NLRC4: variants seen among roughly 807,000 people sequenced by gnomAD.
NLRC4 encodes the protein NLR family CARD domain-containing protein 4.
In NLRC4, 63 loss-of-function variants were observed where a neutral mutation model predicts 79.9. That is an observed-to-expected ratio of 0.79 (90% confidence interval 0.64 to 0.97). NLRC4 has a LOEUF of 0.97. NLRC4 is among the 50% of genes least tolerant of loss of function. The probability of loss-of-function intolerance (pLI) is 0.00; values close to 1 mark genes in which losing one functional copy is unlikely to be tolerated. For missense variants in NLRC4, 1,074 were observed against 1,215.2 expected (o/e 0.88, Z 1.73); for synonymous variants, 461 against 456.5 (o/e 1.01, Z -0.12).
intron 4 of NLRC4, among the ~76,000 whole-genome samples, chr2:32,248,802 C>T (rs903168823): frequency 2.6e-5 from 4 of 152,112 alleles, no homozygotes; most frequent in African/African-American, 7.2e-5. Context: ...TAAACTCTGT[C>T]GTAACTGCCA....
upstream of NLRC4, among the ~76,000 whole-genome samples, chr2:32,265,301 C>G (rs1475691323): frequency 2.6e-5 from 4 of 152,128 alleles, no homozygotes; most frequent in Non-Finnish European, 5.9e-5. Flanking sequence ...CCGCCTCAGT[C>G]CTCCCAGTAG....
intron 8 of NLRC4, among the ~76,000 whole-genome samples, chr2:32,233,349 A>ATATATATATATATATATTT (rs1418146489): frequency 7.3e-5 from 3 of 41,100 alleles, no homozygotes; most frequent in Non-Finnish European, 8.8e-5. Flanking sequence ...ATATATATAT[A>ATATATATATATATATATTT]TTTTTTTTTT....
In NLRC4 at chr2:32,249,662, A is replaced by T. The variant is rs776460333; in HGVS notation, c.2202T>A (p.Ser734=). Reference sequence around the variant, plus strand: ...TACTCAAGGTTTTCAGGTTTGTTACAGATGTGATGTGCCTCTCATCTTCTA... The same window carrying T: ...TACTCAAGGTTTTCAGGTTTGTTACTGATGTGATGTGCCTCTCATCTTCTA... ...LTIEDERHIT[S]VTNLKTLSIH... Residue 734 remains serine (S), a synonymous_variant, in exon 4 of 9, where the codon TCT becomes TCA. Transcript: ENST00000402280. 3 of 1,613,146 alleles carry T rather than the reference A, an allele frequency of 1.9e-6. No individual in the cohort carries two copies. In the East Asian group the frequency reaches 6.7e-5, roughly 36 times the overall value.
At chr2:32,263,699 C>T (rs969427730) in intron 1 of NLRC4, among the ~76,000 whole-genome samples, 3 of 152,176 alleles carry the variant, frequency 2.0e-5, no homozygotes, top group Admixed American at 2.0e-4. Context: ...GAGAAGCCAA[C>T]CCTGCTGACA....
chr2:32,264,079 T>G (rs1229927148), intron 1 of NLRC4, among the ~76,000 whole-genome samples: 1 of 152,176 alleles, frequency 6.6e-6, no homozygotes, highest in Non-Finnish European at 1.5e-5. Flanking sequence ...ATGGACTAAG[T>G]AGTCCACCTC....
In NLRC4 at chr2:32,250,112, T is replaced by A; in HGVS notation, c.1752A>T (p.Leu584Phe). 1 of 1,614,234 alleles carries A rather than the reference T, an allele frequency of 6.2e-7. No individual in the cohort carries two copies. The highest frequency in any genetic ancestry group is 8.5e-7 in the Non-Finnish European group (1 of 1,180,034). ...CGGGGATGTTCCCTGAGTTGATATATAAGCTTTTACCTTGAAAGAAAGCTT... is the reference window on the plus strand; with the variant it reads ...CGGGGATGTTCCCTGAGTTGATATAAAAGCTTTTACCTTGAAAGAAAGCTT... The part of the protein sequence containing the change: ...EFEAFFQGKS[L>F]YINSGNIPDY... Residue 584 changes from leucine to phenylalanine, a missense_variant, in exon 4 of 9, where the codon TTA (leucine) becomes TTT (phenylalanine). Leu to Phe is a conservative substitution (Grantham distance 22, BLOSUM62 0). Transcript: ENST00000402280. The surrounding 1 kb of genome is among the most constrained non-coding windows in gnomAD (Gnocchi z 4.9).
intron 8 of NLRC4, among the ~76,000 whole-genome samples, chr2:32,234,391 CAAAA>C (rs1382894297): frequency 6.6e-6 from 1 of 151,246 alleles, no homozygotes; most frequent in African/African-American, 2.4e-5. Flanking sequence ...AAAAAAAAAA[CAAAA>C]AACAAAGAAC....
At chr2:32,228,457 A>C (rs1490730423) in intron 8 of NLRC4, among the ~76,000 whole-genome samples, 1 of 152,148 alleles carries the variant, frequency 6.6e-6, no homozygotes, top group African/African-American at 2.4e-5. Flanking sequence ...GTCTCCCTCT[A>C]AAATGTGAAG....
intron 1 of NLRC4, among the ~76,000 whole-genome samples, chr2:32,257,826 A>G (rs1246250326): frequency 6.6e-6 from 1 of 151,994 alleles, no homozygotes; most frequent in Admixed American, 6.6e-5. Context: ...GGGATCATAC[A>G]GATGGGCGGG....
Position 32,249,838 on chromosome 2 carries a change from C to T in NLRC4, c.2026G>A (p.Asp676Asn). The T allele has an allele frequency of 6.2e-7, 1 of 1,614,210 alleles. No individual in the cohort carries two copies. Among genetic ancestry groups the T allele is most frequent in the South Asian group, 1.1e-5 (1 of 91,088 alleles). Residue 676 changes from aspartate to asparagine, a missense_variant, in exon 4 of 9, where the codon GAT becomes AAT. Physicochemically the swap from Asp to Asn is conservative, Grantham distance 23. Transcript: ENST00000402280. ...LRDFSKLNKQ[D>N]IRYLGKIFSS... ...AATATTTTCCCCAGATATCTGATAT[C>T]TTGCTTATTCAACTTGCTGAAATCC...
intron 4 of NLRC4, among the ~76,000 whole-genome samples, chr2:32,243,341 C>T (rs778999041): frequency 6.0e-5 from 9 of 150,136 alleles, no homozygotes; most frequent in Non-Finnish European, 8.9e-5. Context: ...ACCCAGGAGG[C>T]AGAGGTTGCA....
At chr2:32,262,980 T>G (rs1291276262) in intron 1 of NLRC4, among the ~76,000 whole-genome samples, 1 of 151,684 alleles carries the variant, frequency 6.6e-6, no homozygotes, top group Non-Finnish European at 1.5e-5. Flanking sequence ...CCTCCCAAAG[T>G]GCTGGGATTA....
At chr2:32,262,749 C>A (rs1471082626) in intron 1 of NLRC4, among the ~76,000 whole-genome samples, 1 of 151,448 alleles carries the variant, frequency 6.6e-6, no homozygotes, top group African/African-American at 2.4e-5. Context: ...GCACTCCAGC[C>A]TGGGTGACAG....
At chr2:32,261,775 T>TA (rs1447314919) in intron 1 of NLRC4, among the ~76,000 whole-genome samples, 2 of 152,100 alleles carry the variant, frequency 1.3e-5, no homozygotes, top group Admixed American at 6.5e-5. Flanking sequence ...ATTAACAATA[T>TA]AAAAAATTGT....
chr2:32,254,731 G>A (rs1335582259), intron 2 of NLRC4, among the ~76,000 whole-genome samples: 1 of 149,012 alleles, frequency 6.7e-6, no homozygotes, highest in African/African-American at 2.5e-5. Context: ...CAATTCCCCT[G>A]CCTCGGCCTC....
chr2:32,231,811 C>T (rs1420686017), intron 8 of NLRC4, among the ~76,000 whole-genome samples: 1 of 152,112 alleles, frequency 6.6e-6, no homozygotes, highest in African/African-American at 2.4e-5. Context: ...CTGCCCACTT[C>T]GGCCTCCCAG....
intron 1 of NLRC4, among the ~76,000 whole-genome samples, chr2:32,259,237 A>T (rs913351409): frequency 1.5e-5 from 2 of 137,122 alleles, no homozygotes; most frequent in Non-Finnish European, 3.1e-5. Context: ...CTGGGACCGC[A>T]GGTGTGTGCC....
intron 8 of NLRC4, among the ~76,000 whole-genome samples, chr2:32,233,182 A>AGGGAGGGAGGGAGGG (rs1686585008): frequency 1.6e-4 from 9 of 56,894 alleles, no homozygotes; most frequent in African/African-American, 7.0e-4. Context: ...GGAAGGAAGG[A>AGGGAGGGAGGGAGGG]AGGAAGGAAG....
chr2:32,255,151 T>C (rs1289866033), intron 2 of NLRC4, among the ~76,000 whole-genome samples: 1 of 151,902 alleles, frequency 6.6e-6, no homozygotes, highest in Non-Finnish European at 1.5e-5. Flanking sequence ...TCATCTGTTC[T>C]CTAGCTTCCA....
Sources: gnomAD v4.1 joint callset for allele counts (sites outside exome capture counted in the v4.1 genomes callset) on GRCh38, gnomAD v4.1.1 for gene constraint, Gnocchi (gnomAD v3.1) non-coding constraint, MANE v1.5 for transcripts, NCBI Gene and HGNC (gene_info 2026-07-23, HGNC 2026-07-21) for gene names.